The following SGCG variants were observed in gnomAD, a reference collection of about 807,000 sequenced individuals.
SGCG encodes gamma-sarcoglycan.
Under a neutral mutation model 29.3 loss-of-function variants are expected in SGCG, and 26 were observed. The observed-to-expected ratio is 0.89, with a 90% CI of 0.65 to 1.23. The LOEUF (loss-of-function observed/expected upper bound fraction) is 1.23, where lower values mean the gene tolerates loss of function less well. Ranked by LOEUF, SGCG falls within the 50% of genes most tolerant of loss-of-function variation. The pLI, the probability that SGCG is intolerant of heterozygous loss-of-function variation, is 0.00. For missense variants in SGCG, 353 were observed against 356.0 expected (o/e 0.99, Z 0.07); for synonymous variants, 145 against 129.7 (o/e 1.12, Z -0.80).
intron 5 of SGCG, 130 bp downstream of exon 5, chr13:23,279,608 C>A: frequency 1.3e-6 from 1 of 751,908 alleles, no homozygotes; most frequent in Non-Finnish European, 2.1e-6. Flanking sequence ...GCATTTTCTC[C>A]ATTGCATTTC....
At chr13:23,317,443 C>T (rs1882860605) in intron 6 of SGCG, among the ~76,000 whole-genome samples, 1 of 145,618 alleles carries the variant, frequency 6.9e-6, no homozygotes, top group South Asian at 2.1e-4. Context: ...AAAGGGAATA[C>T]AGAATGGGTA....
chr13:23,170,297 A>G, the SGCG span, among the ~76,000 whole-genome samples: 1 of 152,152 alleles, frequency 6.6e-6, no homozygotes, highest in Non-Finnish European at 1.5e-5. Flanking sequence ...TCTTCCTTTA[A>G]TTGGAATCCT....
At chr13:23,306,703 T>C (rs1304235004) in intron 6 of SGCG, among the ~76,000 whole-genome samples, 1 of 152,180 alleles carries the variant, frequency 6.6e-6, no homozygotes, top group Non-Finnish European at 1.5e-5. Context: ...ATTTATTCCT[T>C]CTGGTAACTG....
At chr13:23,171,595 G>A in the SGCG span, among the ~76,000 whole-genome samples, 1 of 152,130 alleles carries the variant, frequency 6.6e-6, no homozygotes, top group East Asian at 1.9e-4. Flanking sequence ...AGCCTTTTTG[G>A]CACCAGAGAC....
At chr13:23,212,342 A>G (rs1310341229) in intron 2 of SGCG, among the ~76,000 whole-genome samples, 1 of 152,076 alleles carries the variant, frequency 6.6e-6, no homozygotes, top group Non-Finnish European at 1.5e-5. Context: ...ATCCTCCTAC[A>G]TTCTCTTTTG....
intron 2 of SGCG, among the ~76,000 whole-genome samples, chr13:23,232,381 C>T (rs1362297261): frequency 1.3e-5 from 2 of 152,226 alleles, no homozygotes; most frequent in Non-Finnish European, 2.9e-5. Flanking sequence ...TAACATATCT[C>T]TATCCTAGAA....
intron 1 of SGCG, among the ~76,000 whole-genome samples, chr13:23,200,617 T>C (rs1006381173): frequency 2.0e-5 from 3 of 151,900 alleles, no homozygotes; most frequent in African/African-American, 7.3e-5. Context: ...GCATTTACAA[T>C]AAAATATGTA....
chr13:23,183,848 A>T (rs563254273), intron 1 of SGCG, among the ~76,000 whole-genome samples: 2 of 152,048 alleles, frequency 1.3e-5, no homozygotes, highest in Non-Finnish European at 2.9e-5. Context: ...TTGTATTTTT[A>T]GTAGAGACGG....
chr13:23,262,089 A>G (rs1278886528), intron 4 of SGCG, among the ~76,000 whole-genome samples: 1 of 152,048 alleles, frequency 6.6e-6, no homozygotes, highest in Non-Finnish European at 1.5e-5. Flanking sequence ...TTATAAAACA[A>G]TAACACAATG....
chr13:23,258,366 AG>A (rs1445367363), intron 4 of SGCG, among the ~76,000 whole-genome samples: 27 of 152,044 alleles, frequency 1.8e-4, no homozygotes, highest in Admixed American at 1.8e-3. Flanking sequence ...ATTGGTGTAT[AG>A]GGATGCTCGT....
intron 4 of SGCG, among the ~76,000 whole-genome samples, chr13:23,275,986 A>C (rs1881053075): frequency 1.3e-5 from 2 of 152,244 alleles, no homozygotes; most frequent in Admixed American, 6.5e-5. Flanking sequence ...AAAACCCTTA[A>C]GCTAATTTCC....
Position 23,203,793 on chromosome 13 carries a change from G to C in SGCG, c.99G>C (p.Lys33Asn). ...VYKIGIYGWRKRCLYLFVLLL... is the reference protein window; with the variant it reads ...VYKIGIYGWRNRCLYLFVLLL... ...AAATTGGCATTTATGGCTGGAGAAA[G>C]CGCTGTCTCTACTTGTTTGTTCTTC... The change falls in exon 2 of 8, where the codon AAG (lysine) becomes AAC (asparagine). Residue 33 changes from lysine (K) to asparagine (N), a missense_variant. Coordinates refer to ENST00000218867, the MANE Select transcript of SGCG (RefSeq NM_000231.3). The C allele has an allele frequency of 6.2e-7, 1 of 1,613,872 alleles. No individual in the cohort carries two copies. The highest frequency in any genetic ancestry group is 8.5e-7 in the Non-Finnish European group (1 of 1,179,738).
intron 4 of SGCG, among the ~76,000 whole-genome samples, chr13:23,256,500 G>C (rs1215680958): frequency 6.6e-6 from 1 of 152,008 alleles, no homozygotes; most frequent in Non-Finnish European, 1.5e-5. Flanking sequence ...TGTACATTAG[G>C]TATCTCCCCT....
chr13:23,277,051 A>G lies in SGCG; in HGVS notation c.386-2308A>G, dbSNP rs116223412. ...TCCTGCATTTTCTTTGATTTGAGGA[A>G]CAGTTTATGTGGATTTGCTGCTCAG... On this transcript the variant is annotated intron_variant, in intron 4 of 7. Transcript: ENST00000218867. Among the ~76,000 whole-genome samples the G allele has an allele frequency of 2.2e-3, 335 of 152,310 alleles. 2 individuals are homozygous for G. Among genetic ancestry groups the G allele is most frequent in the African/African-American group, 7.7e-3 (322 of 41,568 alleles).
chr13:23,201,105 G>A (rs1877733948), intron 1 of SGCG, among the ~76,000 whole-genome samples: 1 of 152,188 alleles, frequency 6.6e-6, no homozygotes, highest in Non-Finnish European at 1.5e-5. Flanking sequence ...CCACAGGCAG[G>A]GGGATAGTCA....
intron 4 of SGCG, among the ~76,000 whole-genome samples, chr13:23,264,712 G>A (rs1376592753): frequency 6.6e-6 from 1 of 152,126 alleles, no homozygotes; most frequent in Non-Finnish European, 1.5e-5. Flanking sequence ...CAGCATGGTA[G>A]TGGTATAAAA....
intron 5 of SGCG, 125 bp from the exon 6 acceptor site, chr13:23,295,290 A>G: frequency 1.2e-6 from 1 of 828,756 alleles, no homozygotes. Flanking sequence ...TAACTCAAAC[A>G]TCTGCAAAAA....
rs1202428613 is a variant in SGCG at position 23,183,707 on chromosome 13, C to T, written c.-1+2632C>T. ...TTTTTGAGACAGAGTCTCGCTCTAT[C>T]GCCCAGGCTGGAGTGCAGTGGCATG... On this transcript the variant is annotated intron_variant, in intron 1 of 7. Coordinates refer to ENST00000218867, the MANE Select transcript of SGCG (RefSeq NM_000231.3). Among the ~76,000 whole-genome samples, 9 of 152,072 alleles carry T rather than the reference C, an allele frequency of 5.9e-5. No individual in the cohort carries two copies. In the East Asian group the frequency reaches 1.2e-3, roughly 20 times the overall value.
At chr13:23,218,145 A>G (rs1221973956) in intron 2 of SGCG, among the ~76,000 whole-genome samples, 1 of 152,210 alleles carries the variant, frequency 6.6e-6, no homozygotes, top group Non-Finnish European at 1.5e-5. Flanking sequence ...GTGTTACCTT[A>G]TGCAACCCAG....
Sources: allele counts gnomAD v4.1 joint callset (sites outside exome capture counted in the v4.1 genomes callset), GRCh38; gene constraint gnomAD v4.1.1; transcripts MANE v1.5; gene names NCBI Gene and HGNC (gene_info 2026-07-23, HGNC 2026-07-21).